EIF3H: variants seen among roughly 807,000 people sequenced by gnomAD.
EIF3H encodes the protein eukaryotic translation initiation factor 3 subunit H.
A neutral mutation model predicts 44.2 loss-of-function variants in EIF3H; 26 were observed. The ratio of observed to expected loss-of-function variants is 0.59; its 90% CI spans 0.43 to 0.82. The LOEUF is 0.82. Among genes scored for constraint, EIF3H ranks in the 40% least tolerant of loss-of-function variants. The pLI is 0.00. For synonymous variants in EIF3H, 166 were observed against 151.9 expected, an observed-to-expected ratio of 1.09 and a Z score of -0.68; for missense variants, 359 against 432.8, an observed-to-expected ratio of 0.83 and a Z score of 1.51.
chr8:116,668,878 T>C (rs1813709189), intron 2 of EIF3H, among the ~76,000 whole-genome samples: 1 of 152,142 alleles, frequency 6.6e-6, no homozygotes, highest in South Asian at 2.1e-4. Flanking sequence ...TTCAGAAGTG[T>C]TCCTTAGAAC....
chr8:116,669,005 C>T (rs946495545), intron 2 of EIF3H, among the ~76,000 whole-genome samples: 10 of 151,874 alleles, frequency 6.6e-5, no homozygotes, highest in African/African-American at 1.9e-4. Context: ...TCCATATTGG[C>T]GACGGGGGAA....
intron 2 of EIF3H, among the ~76,000 whole-genome samples, chr8:116,659,539 C>A (rs2130795758): frequency 6.6e-6 from 1 of 152,216 alleles, no homozygotes. Flanking sequence ...TCATCTGGTG[C>A]CCCCTGCTGC....
chr8:116,711,200 T>C, intron 2 of EIF3H, among the ~76,000 whole-genome samples: 1 of 152,128 alleles, frequency 6.6e-6, no homozygotes, highest in East Asian at 1.9e-4. Context: ...GTCGGTCACA[T>C]CAAGTATCTC....
At chr8:116,650,063 C>G (rs1246519939) in intron 5 of EIF3H, among the ~76,000 whole-genome samples, 1 of 152,144 alleles carries the variant, frequency 6.6e-6, no homozygotes, top group Non-Finnish European at 1.5e-5. Context: ...CATACAACTC[C>G]CCAGCAATGT....
chr8:116,733,209 G>C (rs1193120409), intron 1 of EIF3H, among the ~76,000 whole-genome samples: 3 of 152,212 alleles, frequency 2.0e-5, no homozygotes, highest in Non-Finnish European at 2.9e-5. Flanking sequence ...ATGCACAGGA[G>C]AAAGTATTGG....
Position 116,755,656 on chromosome 8 carries a change from C to G in EIF3H, c.132+10G>C, listed in dbSNP as rs780285501. The stretch of plus-strand genomic sequence containing the variant: ...CCCACGTGGGCCAGAGGAAAAAGAA[C>G]AGCACTCACAAGGCCATCTATCTGC... On this transcript the variant is annotated intron_variant, in intron 1 of 7. Transcript: ENST00000521861. The G allele has an allele frequency of 5.6e-6, 9 of 1,613,928 alleles. 1 individual carries two copies. Among genetic ancestry groups the G allele is most frequent in the South Asian group, 4.4e-5 (4 of 91,066 alleles).
chr8:116,645,136 G>C, intron 7 of EIF3H, 33 bp from the exon 8 acceptor site: 1 of 1,521,982 alleles, frequency 6.6e-7, no homozygotes, highest in South Asian at 1.1e-5. Flanking sequence ...GAGCCATAAT[G>C]TTCCACAAAT....
chr8:116,675,640 A>G (rs1563639538), intron 2 of EIF3H, among the ~76,000 whole-genome samples: 1 of 152,222 alleles, frequency 6.6e-6, no homozygotes, highest in African/African-American at 2.4e-5. Context: ...AGTCAAATAA[A>G]ACAGTGCTAT....
intron 1 of EIF3H, among the ~76,000 whole-genome samples, chr8:116,743,769 C>CAT (rs150883678): frequency 2.5e-4 from 24 of 97,006 alleles, no homozygotes; most frequent in East Asian, 1.3e-3. Context: ...AAAATACATA[C>CAT]ATATATATAT....
chr8:116,707,441 C>T (rs1420225197), intron 2 of EIF3H, among the ~76,000 whole-genome samples: 1 of 152,160 alleles, frequency 6.6e-6, no homozygotes, highest in Non-Finnish European at 1.5e-5. Flanking sequence ...ACTATCATCA[C>T]AGAACAGGTG....
At chr8:116,703,115 T>C (rs1409397733) in intron 2 of EIF3H, among the ~76,000 whole-genome samples, 1 of 152,242 alleles carries the variant, frequency 6.6e-6, no homozygotes, top group Non-Finnish European at 1.5e-5. Flanking sequence ...AGATGTAGAA[T>C]GTAGATATGA....
chr8:116,680,519 G>A (rs1813963934), intron 2 of EIF3H, among the ~76,000 whole-genome samples: 1 of 81,398 alleles, frequency 1.2e-5, no homozygotes, highest in Admixed American at 1.3e-4. Flanking sequence ...GTTGATCTGT[G>A]ACCTTATCCC....
intron 2 of EIF3H, among the ~76,000 whole-genome samples, chr8:116,661,022 G>A (rs904489840): frequency 2.0e-5 from 3 of 152,136 alleles, no homozygotes; most frequent in African/African-American, 7.2e-5. Context: ...TAGCATGTAA[G>A]AGGAACCTCA....
chr8:116,649,775 T>C (rs181794089), intron 5 of EIF3H, among the ~76,000 whole-genome samples: 199 of 152,296 alleles, frequency 1.3e-3, no homozygotes, highest in African/African-American at 4.5e-3. Flanking sequence ...ATTGATCTTA[T>C]AACTGATTAG....
At chr8:116,681,595 G>A (rs1813990130) in intron 2 of EIF3H, among the ~76,000 whole-genome samples, 3 of 151,240 alleles carry the variant, frequency 2.0e-5, no homozygotes, top group Admixed American at 2.0e-4. Flanking sequence ...GAACCCGGGA[G>A]GTGGAGGTTG....
Position 116,655,982 on chromosome 8 carries a change from A to C in EIF3H, c.581T>G (p.Phe194Cys). 6.2e-7 allele frequency: 1 copy of C among 1,613,436 alleles called. No individual in the cohort carries two copies. Among genetic ancestry groups the C allele is most frequent in the East Asian group, 2.2e-5 (1 of 44,860 alleles). Reference sequence around the variant, plus strand: ...CGGCACTTCTTCAAACATGTACTCAAAGGTGATATTTGCTTTTTTCAATCT... The same window carrying C: ...CGGCACTTCTTCAAACATGTACTCACAGGTGATATTTGCTTTTTTCAATCT... ...PEALKKANIT[F>C]EYMFEEVPIV... Residue 194 changes from phenylalanine to cysteine, a missense_variant, in exon 5 of 8, where the codon TTT (phenylalanine) becomes TGT (cysteine). Transcript: ENST00000521861.
chr8:116,711,145 C>G (rs190470798), intron 2 of EIF3H, among the ~76,000 whole-genome samples: 1 of 152,208 alleles, frequency 6.6e-6, no homozygotes, highest in African/African-American at 2.4e-5. Context: ...ACAATTTAGA[C>G]AGAAATGTAA....
At chr8:116,706,818 T>C (rs1814478185) in intron 2 of EIF3H, among the ~76,000 whole-genome samples, 1 of 152,212 alleles carries the variant, frequency 6.6e-6, no homozygotes, top group South Asian at 2.1e-4. Flanking sequence ...GTGCTGGGAA[T>C]ACAGGCATGA....
intron 1 of EIF3H, among the ~76,000 whole-genome samples, chr8:116,763,640 G>A (rs1031115221): frequency 1.8e-4 from 28 of 152,048 alleles, no homozygotes; most frequent in African/African-American, 6.5e-4. Context: ...CTAAGTTGTC[G>A]TAAAATATTT....
Sources: gnomAD v4.1 joint callset for allele counts (sites outside exome capture counted in the v4.1 genomes callset) on GRCh38, gnomAD v4.1.1 for gene constraint, MANE v1.5 for transcripts, NCBI Gene and HGNC (gene_info 2026-07-23, HGNC 2026-07-21) for gene names.